POLK: variants seen among roughly 807,000 people sequenced by gnomAD.
The protein encoded by POLK is polymerase (DNA directed) kappa.
In POLK, 76 loss-of-function variants were observed where a neutral mutation model predicts 94.0. That is an observed-to-expected ratio of 0.81 (90% confidence interval 0.67 to 0.98). The LOEUF is 0.98. Ranked by LOEUF, POLK falls within the 50% of genes least tolerant of loss-of-function variation. The probability of loss-of-function intolerance (pLI) is 0.00; values close to 1 mark genes in which losing one functional copy is unlikely to be tolerated. For synonymous variants in POLK, 349 were observed against 325.4 expected (o/e 1.07, Z -0.78); for missense variants, 954 against 1,010.1 (o/e 0.94, Z 0.75).
intron 10 of POLK, among the ~76,000 whole-genome samples, chr5:75,588,914 T>C (rs946640631): frequency 6.6e-6 from 1 of 152,210 alleles, no homozygotes; most frequent in African/African-American, 2.4e-5. Flanking sequence ...TAATCACCTC[T>C]GCTAAATCCC....
intron 1 of POLK, among the ~76,000 whole-genome samples, chr5:75,534,673 T>C (rs923979529): frequency 4.1e-4 from 62 of 152,224 alleles, no homozygotes; most frequent in Admixed American, 2.4e-3. Context: ...AGTGCATATA[T>C]ATTTAGAAAA....
exon 13 of POLK, chr5:75,596,655 A>G: frequency 6.2e-7 from 1 of 1,614,110 alleles, no homozygotes; most frequent in Non-Finnish European, 8.5e-7. Context: ...CAATCAGTGA[A>G]AACTTTAAAA....
At chr5:75,547,085 T>A in exon 2 of POLK, 1 of 1,518,450 alleles carries the variant, frequency 6.6e-7, no homozygotes, top group Non-Finnish European at 9.1e-7. Context: ...GGATGGGACT[T>A]AATGATAATA....
At chr5:75,586,612 G>T (rs532575765) in intron 9 of POLK, among the ~76,000 whole-genome samples, 9 of 152,236 alleles carry the variant, frequency 5.9e-5, no homozygotes, top group African/African-American at 2.2e-4. Flanking sequence ...TAATGAATAG[G>T]CTATGGGAGA....
intron 1 of POLK, among the ~76,000 whole-genome samples, chr5:75,517,804 C>T (rs1236316609): frequency 6.6e-6 from 1 of 152,154 alleles, no homozygotes; most frequent in Non-Finnish European, 1.5e-5. Context: ...TATTTGGGAA[C>T]ATGTTCCTGC....
intron 10 of POLK, among the ~76,000 whole-genome samples, chr5:75,587,861 A>G (rs1444657926): frequency 6.6e-6 from 1 of 151,996 alleles, no homozygotes; most frequent in Admixed American, 6.5e-5. Flanking sequence ...GTTTGCAGTA[A>G]GCTGAGATGG....
At chr5:75,591,799 C>T (rs573568717) in intron 11 of POLK, among the ~76,000 whole-genome samples, 2 of 152,274 alleles carry the variant, frequency 1.3e-5, no homozygotes, top group South Asian at 4.1e-4. Flanking sequence ...TTGGGTTTGT[C>T]TGATGATTTT....
downstream of POLK, among the ~76,000 whole-genome samples, chr5:75,603,127 TA>T (rs771323040): frequency 3.3e-5 from 5 of 152,336 alleles, no homozygotes; most frequent in East Asian, 9.6e-4. Context: ...TAATAGGAGA[TA>T]TTTTTTCTGC....
intron 1 of POLK, among the ~76,000 whole-genome samples, chr5:75,533,608 T>A (rs1208731832): frequency 6.6e-6 from 1 of 152,208 alleles, no homozygotes; most frequent in Non-Finnish European, 1.5e-5. Flanking sequence ...TAGTTTTTTC[T>A]AGTTCTAGGT....
At chr5:75,584,623 T>C in intron 8 of POLK, 137 bp from the exon 9 acceptor site, 1 of 549,810 alleles carries the variant, frequency 1.8e-6, no homozygotes, top group Non-Finnish European at 3.2e-6. Flanking sequence ...GGGAGCCAAC[T>C]TGGCACCACT....
chr5:75,575,382 T>C (rs1771821162), intron 5 of POLK, among the ~76,000 whole-genome samples: 2 of 152,188 alleles, frequency 1.3e-5, no homozygotes, highest in Non-Finnish European at 2.9e-5. Flanking sequence ...GGTTTTCCTA[T>C]GTTGCTCAGG....
intron 11 of POLK, among the ~76,000 whole-genome samples, chr5:75,592,172 C>T (rs1772824587): frequency 6.6e-6 from 1 of 152,176 alleles, no homozygotes; most frequent in Non-Finnish European, 1.5e-5. Flanking sequence ...TCATTGTCTC[C>T]ACTGAAACCC....
At chr5:75,554,450 CTT>C (rs1561365849) in intron 3 of POLK, among the ~76,000 whole-genome samples, 3 of 151,516 alleles carry the variant, frequency 2.0e-5, no homozygotes, top group African/African-American at 7.3e-5. Flanking sequence ...AATCCAGTGA[CTT>C]TTTTAAAAAA....
At chr5:75,594,579 G>A (rs5744706) in intron 12 of POLK, among the ~76,000 whole-genome samples, 5,009 of 152,290 alleles carry the variant, frequency 0.033, 105 homozygotes, top group Non-Finnish European at 0.047. Context: ...AGTATATTAC[G>A]TTGTAATACT....
Position 75,575,316 on chromosome 5 carries a change from T to A in POLK, c.540+1447T>A, listed in dbSNP as rs537816263. ...GGCCTCAGCCTCCTGAGTAGCTAGATTGACAGGCATGCATCACCACACCCA... is the reference window on the plus strand; with the variant it reads ...GGCCTCAGCCTCCTGAGTAGCTAGAATGACAGGCATGCATCACCACACCCA... On this transcript the variant is annotated intron_variant, in intron 5 of 14. Transcript: ENST00000241436. Among the ~76,000 whole-genome samples the A allele has an allele frequency of 5.9e-5, 9 of 152,272 alleles. 1 individual carries two copies. In the South Asian group the frequency reaches 1.9e-3, roughly 32 times the overall value.
chr5:75,566,261 G>A lies in POLK; in HGVS notation c.256-3079G>A, dbSNP rs549072985. On this transcript the variant is annotated intron_variant, in intron 3 of 14. Transcript: ENST00000241436. ...AGGTCAACTTCAGACTGCTCTGCCA[G>A]CAGCGAGAATTTCAAGCCAGTGGAT... 2.6e-5 allele frequency among the ~76,000 whole-genome samples: 4 copies of A among 152,324 alleles called. No individual in the cohort carries two copies. The South Asian group carries it at 8.3e-4, about 32-fold the overall frequency.
At chr5:75,531,657 G>T (rs1325796926) in intron 1 of POLK, among the ~76,000 whole-genome samples, 1 of 152,082 alleles carries the variant, frequency 6.6e-6, no homozygotes, top group East Asian at 1.9e-4. Context: ...GCCAGGCGTG[G>T]TGGTGGGCAC....
At chr5:75,538,845 A>T (rs1045232930) in intron 1 of POLK, among the ~76,000 whole-genome samples, 1 of 152,106 alleles carries the variant, frequency 6.6e-6, no homozygotes, top group African/African-American at 2.4e-5. Context: ...ACATCAGCTC[A>T]CTGCAACCTC....
intron 4 of POLK, 131 bp from the exon 5 acceptor site, chr5:75,573,607 A>C: frequency 1.3e-6 from 1 of 749,796 alleles, no homozygotes; most frequent in Non-Finnish European, 2.2e-6. Flanking sequence ...AAACAAAAAC[A>C]AAAAACTGGC....
Sources: allele counts gnomAD v4.1 joint callset (sites outside exome capture counted in the v4.1 genomes callset), GRCh38; gene constraint gnomAD v4.1.1; transcripts MANE v1.5; gene names NCBI Gene and HGNC (gene_info 2026-07-23, HGNC 2026-07-21).